The following CARD8 variants were observed in gnomAD, a reference collection of about 807,000 sequenced individuals.
The protein encoded by CARD8 is caspase recruitment domain family member 8.
Under a neutral mutation model 53.2 loss-of-function variants are expected in CARD8, and 38 were observed. The observed-to-expected ratio is 0.71, with a 90% CI of 0.55 to 0.94. The LOEUF (loss-of-function observed/expected upper bound fraction) is 0.94, where lower values mean the gene tolerates loss of function less well. CARD8 is among the 40% of genes least tolerant of loss of function. The pLI is 0.00. For synonymous variants in CARD8, 245 were observed against 244.9 expected (o/e 1.00, Z 0.00); for missense variants, 561 against 655.5 (o/e 0.86, Z 1.57).
At chr19:48,226,579 A>G (rs1169240655) in intron 10 of CARD8, among the ~76,000 whole-genome samples, 1 of 152,178 alleles carries the variant, frequency 6.6e-6, no homozygotes, top group Non-Finnish European at 1.5e-5. Context: ...GTATGGGCCA[A>G]TTGCATGTAA....
intron 3 of CARD8, among the ~76,000 whole-genome samples, chr19:48,248,377 T>C (rs1291096492): frequency 6.6e-6 from 1 of 151,976 alleles, no homozygotes; most frequent in Admixed American, 6.6e-5. Flanking sequence ...CTTCCAAAAA[T>C]TGGAATAAAA....
chr19:48,254,865 A>T (rs556523855), intron 1 of CARD8, among the ~76,000 whole-genome samples: 48 of 152,306 alleles, frequency 3.2e-4, no homozygotes, highest in African/African-American at 8.7e-4. Context: ...ACCTTAAAAA[A>T]ATATATATTT....
At chr19:48,219,750 G>A (rs1044829350) in intron 11 of CARD8, among the ~76,000 whole-genome samples, 1 of 152,038 alleles carries the variant, frequency 6.6e-6, no homozygotes, top group Non-Finnish European at 1.5e-5. Flanking sequence ...GTGACCGATT[G>A]CTTGAGGTCA....
chr19:48,230,689 C>G lies in CARD8; in HGVS notation c.784G>C (p.Asp262His). 2 of 1,613,712 alleles carry G rather than the reference C, an allele frequency of 1.2e-6. No homozygotes were observed. The highest frequency in any genetic ancestry group is 1.7e-6 in the Non-Finnish European group (2 of 1,179,680). The change falls in exon 10 of 14, where the codon GAC (aspartate) becomes CAC (histidine). Residue 262 changes from aspartate to histidine, a missense_variant. Coordinates refer to ENST00000651546, the MANE Select transcript of CARD8 (RefSeq NM_001184900.3). ...HFISLQAGEV[D>H]VSWFLVAHFK... ...TGGGCAACGAGAAACCAGGAGACGTCCACCTCACCTGCTGCAGGAGAACCA... is the reference window on the plus strand; with the variant it reads ...TGGGCAACGAGAAACCAGGAGACGTGCACCTCACCTGCTGCAGGAGAACCA...
intron 10 of CARD8, among the ~76,000 whole-genome samples, chr19:48,226,231 A>T (rs1057329757): frequency 3.3e-5 from 5 of 151,918 alleles, no homozygotes; most frequent in Non-Finnish European, 7.4e-5. Flanking sequence ...CATTTATTTT[A>T]TTTATTGATT....
intron 10 of CARD8, among the ~76,000 whole-genome samples, chr19:48,224,693 C>T (rs1027110031): frequency 6.6e-6 from 1 of 151,830 alleles, no homozygotes; most frequent in Admixed American, 6.6e-5. Flanking sequence ...AGCAGACAGA[C>T]CACTTTTCAT....
chr19:48,233,481 A>G, intron 6 of CARD8: 1 of 451,556 alleles, frequency 2.2e-6, no homozygotes, highest in Non-Finnish European at 4.5e-6. Flanking sequence ...AAGCATGGAG[A>G]GACCCCTGGG....
rs189716303 is a variant in CARD8, at chr19:48,246,333, T to C, written c.-44+3190A>G. Among the ~76,000 whole-genome samples the C allele has an allele frequency of 8.4e-4, 128 of 152,304 alleles. 1 individual carries two copies. Among genetic ancestry groups the C allele is most frequent in the African/African-American group, 3.0e-3 (124 of 41,570 alleles). On this transcript the variant is annotated intron_variant, in intron 3 of 13. Transcript: ENST00000651546. ...TTTGTTCCAATGTTATCCTATATAC[T>C]CCTGCCCCAGCCCTGGAAGTAACCA...
At chr19:48,224,115 G>A (rs915450718) in intron 10 of CARD8, among the ~76,000 whole-genome samples, 1 of 152,060 alleles carries the variant, frequency 6.6e-6, no homozygotes, top group Non-Finnish European at 1.5e-5. Flanking sequence ...GCGCATGCCA[G>A]CACGCCCGGC....
chr19:48,221,629 TTAA>T (rs1873925675), intron 11 of CARD8, 98 bp downstream of exon 11: 2 of 792,312 alleles, frequency 2.5e-6, no homozygotes, highest in Non-Finnish European at 3.8e-6. Flanking sequence ...ATATTTGTGA[TTAA>T]TAAAAGAAAA....
chr19:48,237,108 ACTGT>A (rs1375628341), intron 5 of CARD8, among the ~76,000 whole-genome samples: 1 of 152,000 alleles, frequency 6.6e-6, no homozygotes, highest in African/African-American at 2.4e-5. Context: ...GCTATAGAGG[ACTGT>A]CTGAGACTAG....
At chr19:48,226,009 C>G (rs1372241959) in intron 10 of CARD8, among the ~76,000 whole-genome samples, 2 of 144,360 alleles carry the variant, frequency 1.4e-5, no homozygotes, top group Admixed American at 1.4e-4. Context: ...GCTGAGATCA[C>G]GCCCACTGCA....
chr19:48,231,532 T>C lies in CARD8; in HGVS notation c.542+128A>G, dbSNP rs1402200242. The C allele has an allele frequency of 4.4e-6, 4 of 908,992 alleles. No homozygotes were observed. The African/African-American group carries it at 6.7e-5, about 15-fold the overall frequency. 56.3% of individuals were successfully genotyped at this position (908,992 alleles called of 1,614,324 possible). A position where few individuals can be genotyped will look rare whatever the true frequency, so the allele number is the denominator to read the frequency against. ...GTTGGCCAGGCTGGTCTCGAACTCCTGACCTTGTGATCCGCCCTCCTCCAC... is the reference window on the plus strand; with the variant it reads ...GTTGGCCAGGCTGGTCTCGAACTCCCGACCTTGTGATCCGCCCTCCTCCAC... On this transcript the variant is annotated intron_variant, in intron 8 of 13. Transcript: ENST00000651546.
chr19:48,204,144 G>GTGAGGATGT (rs2037254737), downstream of CARD8: 3 of 454,814 alleles, frequency 6.6e-6, no homozygotes, highest in Non-Finnish European at 1.3e-5. Context: ...GCAGTCTCTG[G>GTGAGGATGT]GTGAGGAGGC....
rs4802445 is a variant in CARD8 at position 48,209,461 on chromosome 19, T to C, written c.*2249A>G. 0.45 allele frequency: 69,128 copies of C among 151,950 alleles called. 16,973 individuals carry two copies. The highest frequency in any genetic ancestry group is 0.56 in the Non-Finnish European group (37,781 of 67,942). 9.4% of individuals were successfully genotyped at this position (151,950 alleles called of 1,614,324 possible). ...AATGCACTCAGTGGGACGACACAGA[T>C]AACAACAGGTGAACACTCCAGCAAA... On this transcript the variant is annotated 3_prime_UTR_variant, in exon 14 of 14. Transcript: ENST00000651546.
At chr19:48,255,124 T>C (rs911187214) in intron 1 of CARD8, among the ~76,000 whole-genome samples, 1 of 152,160 alleles carries the variant, frequency 6.6e-6, no homozygotes, top group African/African-American at 2.4e-5. Flanking sequence ...TCCCAACACT[T>C]TGGGAGGCCA....
At chr19:48,229,322 G>A (rs748995887) in intron 10 of CARD8, among the ~76,000 whole-genome samples, 4 of 152,018 alleles carry the variant, frequency 2.6e-5, no homozygotes, top group Non-Finnish European at 5.9e-5. Flanking sequence ...TATGAGATTT[G>A]GGAATGATGA....
intron 4 of CARD8, among the ~76,000 whole-genome samples, chr19:48,240,196 T>C (rs2044710427): frequency 6.6e-6 from 1 of 152,236 alleles, no homozygotes; most frequent in Non-Finnish European, 1.5e-5. Context: ...ATTCATTTTC[T>C]ACAAATGAGA....
rs143679084 is a variant in CARD8 at position 48,248,981 on chromosome 19, T to A, written c.-44+542A>T. ...GGGAGGCCGAGGCGGGCGGATCACCTGAGATCAGGAGTTCGAAGCCAGACT... is the reference window on the plus strand; with the variant it reads ...GGGAGGCCGAGGCGGGCGGATCACCAGAGATCAGGAGTTCGAAGCCAGACT... On this transcript the variant is annotated intron_variant, in intron 3 of 13. Coordinates refer to ENST00000651546, the MANE Select transcript of CARD8 (RefSeq NM_001184900.3). Among the ~76,000 whole-genome samples the A allele has an allele frequency of 4.8e-3, 728 of 152,314 alleles. 8 individuals are homozygous for A. The highest frequency in any genetic ancestry group is 0.017 in the African/African-American group (692 of 41,570).
Sources: allele counts gnomAD v4.1 joint callset (sites outside exome capture counted in the v4.1 genomes callset), GRCh38; gene constraint gnomAD v4.1.1; transcripts MANE v1.5; gene names NCBI Gene and HGNC (gene_info 2026-07-23, HGNC 2026-07-21).